ROBO2: variants seen among roughly 807,000 people sequenced by gnomAD.
ROBO2 encodes roundabout guidance receptor 2, also known as roundabout homolog 2.
Under a neutral mutation model 160.8 loss-of-function variants are expected in ROBO2, and 53 were observed. That is an observed-to-expected ratio of 0.33 (90% CI 0.26 to 0.41). The LOEUF is 0.41. Among genes scored for constraint, ROBO2 ranks in the 10% least tolerant of loss-of-function variants. ROBO2 has a pLI of 1.00. For missense variants in ROBO2, 1,577 were observed against 1,722.4 expected (o/e 0.92, Z 1.49); for synonymous variants, 664 against 611.7 (o/e 1.09, Z -1.26).
chr3:76,095,903 T>A (rs1413701160), intron 2 of ROBO2, among the ~76,000 whole-genome samples: 1 of 152,080 alleles, frequency 6.6e-6, no homozygotes, highest in Non-Finnish European at 1.5e-5. Flanking sequence ...GCTAATACAT[T>A]TGAAGATATT....
chr3:76,320,256 C>A (rs2072405860), intron 2 of ROBO2, among the ~76,000 whole-genome samples: 1 of 151,960 alleles, frequency 6.6e-6, no homozygotes, highest in African/African-American at 2.4e-5. Flanking sequence ...CATTTCTGTA[C>A]AAAATGCTAA....
intron 2 of ROBO2, among the ~76,000 whole-genome samples, chr3:76,965,385 T>C (rs1030924758): frequency 1.3e-5 from 2 of 152,220 alleles, no homozygotes; most frequent in African/African-American, 4.8e-5. Flanking sequence ...CCTTTCTGAC[T>C]CTTCCTGCCT....
chr3:77,350,758 G>A (rs887045792), intron 2 of ROBO2, among the ~76,000 whole-genome samples: 5 of 152,246 alleles, frequency 3.3e-5, no homozygotes, highest in African/African-American at 9.6e-5. Context: ...AATGGGAGGG[G>A]CACTTGTCGT....
chr3:76,054,403 C>A (rs1285615715), intron 2 of ROBO2, among the ~76,000 whole-genome samples: 1 of 152,154 alleles, frequency 6.6e-6, no homozygotes, highest in South Asian at 2.1e-4. Context: ...AAGTAGTAGT[C>A]ATAGAGTGAG....
chr3:77,423,506 A>C (rs2077903088), intron 2 of ROBO2, among the ~76,000 whole-genome samples: 1 of 152,146 alleles, frequency 6.6e-6, no homozygotes, highest in Admixed American at 6.5e-5. Flanking sequence ...ACCTCATACA[A>C]TTGTATTATA....
chr3:77,246,136 T>A (rs1323172688), intron 2 of ROBO2, among the ~76,000 whole-genome samples: 1 of 152,210 alleles, frequency 6.6e-6, no homozygotes, highest in Non-Finnish European at 1.5e-5. Flanking sequence ...GAAAGCTCTT[T>A]CTACCTTCAT....
rs566883426 is a variant in ROBO2 at position 76,563,486 on chromosome 3, T to G, written c.110-534528T>G. ...TATCATTATTATTCTTGTCCCTTTA[T>G]GAAAAGTGCTTATTGAATGCTAAAT... On this transcript the variant is annotated intron_variant, in intron 2 of 26. Coordinates refer to the ROBO2 transcript ENST00000487694. Among the ~76,000 whole-genome samples, 6 of 152,344 alleles carry G rather than the reference T, an allele frequency of 3.9e-5. No homozygotes were observed. In the South Asian group the frequency reaches 6.2e-4, roughly 16 times the overall value.
intron 2 of ROBO2, among the ~76,000 whole-genome samples, chr3:77,163,852 A>G (rs540058844): frequency 3.3e-5 from 5 of 152,334 alleles, no homozygotes; most frequent in African/African-American, 1.2e-4. Flanking sequence ...TATTTCTAGC[A>G]TAGTCAAAAA....
rs547233832 is a variant in ROBO2, at chr3:76,098,346, C to T, written c.109+160744C>T. On this transcript the variant is annotated intron_variant, in intron 2 of 26. Transcript: ENST00000487694. The stretch of plus-strand genomic sequence containing the variant: ...TCAAAAATACAAATTCATCAGAATG[C>T]AAAATCTCTCTGTAACTATGTTTTT... Among the ~76,000 whole-genome samples the T allele has an allele frequency of 1.6e-4, 24 of 152,194 alleles. No homozygotes were observed. In the South Asian group the frequency reaches 5.0e-3, roughly 32 times the overall value.
At chr3:76,664,121 G>T (rs1036362535) in intron 2 of ROBO2, among the ~76,000 whole-genome samples, 12 of 152,308 alleles carry the variant, frequency 7.9e-5, no homozygotes, top group African/African-American at 2.4e-4. Flanking sequence ...TGAGGACACA[G>T]CTAGAATTAG....
At chr3:76,945,194 A>G (rs765774617) in intron 2 of ROBO2, among the ~76,000 whole-genome samples, 4 of 152,162 alleles carry the variant, frequency 2.6e-5, no homozygotes, top group Non-Finnish European at 5.9e-5. Flanking sequence ...AGATGATAGA[A>G]ATGGCAGAAG....
intron 2 of ROBO2, among the ~76,000 whole-genome samples, chr3:76,512,324 A>ATATG (rs1553779817): frequency 7.1e-6 from 1 of 140,702 alleles, no homozygotes; most frequent in Non-Finnish European, 1.5e-5. Flanking sequence ...ATATATATGT[A>ATATG]TATATATATA....
At chr3:76,640,053 G>A (rs942907514) in intron 2 of ROBO2, among the ~76,000 whole-genome samples, 7 of 152,114 alleles carry the variant, frequency 4.6e-5, no homozygotes, top group African/African-American at 1.7e-4. Context: ...TTTTAACTGC[G>A]TTGTACTTTC....
At chr3:76,366,578 A>G (rs2075821061) in intron 2 of ROBO2, among the ~76,000 whole-genome samples, 1 of 152,070 alleles carries the variant, frequency 6.6e-6, no homozygotes, top group Non-Finnish European at 1.5e-5. Flanking sequence ...TTCCTCTTCT[A>G]GTAATGCTAT....
intron 2 of ROBO2, among the ~76,000 whole-genome samples, chr3:76,918,856 CA>C (rs2076488072): frequency 1.3e-5 from 2 of 152,088 alleles, no homozygotes; most frequent in African/African-American, 4.8e-5. Flanking sequence ...TAATAATCGC[CA>C]TTCTGACTGG....
chr3:76,271,858 C>A (rs1243715298), intron 2 of ROBO2, among the ~76,000 whole-genome samples: 1 of 151,930 alleles, frequency 6.6e-6, no homozygotes, highest in East Asian at 1.9e-4. Context: ...AATACTAGTT[C>A]TTAAAATATT....
intron 2 of ROBO2, among the ~76,000 whole-genome samples, chr3:76,304,750 CTTT>C (rs10573660): frequency 0.14 from 16,533 of 121,190 alleles, 1,319 homozygotes; most frequent in Non-Finnish European, 0.16. Flanking sequence ...TTCTTTCCTT[CTTT>C]CTTTCTTTCT....
intron 1 of ROBO2, among the ~76,000 whole-genome samples, chr3:77,057,569 AT>A (rs71104648): frequency 1.9e-4 from 20 of 105,266 alleles, no homozygotes; most frequent in African/African-American, 5.8e-4. Context: ...ATTCCAGAGG[AT>A]TTTTTTTTTT....
Position 76,799,702 on chromosome 3 carries a change from T to A in ROBO2, c.110-298312T>A, listed in dbSNP as rs145318775. Among the ~76,000 whole-genome samples, 216 of 152,138 alleles carry A rather than the reference T, an allele frequency of 1.4e-3. 1 individual carries two copies. Among genetic ancestry groups the A allele is most frequent in the African/African-American group, 5.1e-3 (211 of 41,540 alleles). ...CTCTACAATGAAAAGTATAAAATAT[T>A]TAGGCAAGAAATAGAAATGTTCACA... is the stretch of plus-strand genomic sequence containing the variant. On this transcript the variant is annotated intron_variant, in intron 2 of 26. Transcript: ENST00000487694.
Sources: allele counts gnomAD v4.1 joint callset (sites outside exome capture counted in the v4.1 genomes callset), GRCh38; gene constraint gnomAD v4.1.1; transcripts MANE v1.5; gene names NCBI Gene and HGNC (gene_info 2026-07-23, HGNC 2026-07-21).